ARFGEF3: variants seen among roughly 807,000 people sequenced by gnomAD.
ARFGEF3 encodes the protein ARFGEF family member 3.
Under a neutral mutation model 221.7 loss-of-function variants are expected in ARFGEF3, and 96 were observed. That is an observed-to-expected ratio of 0.43 (90% CI 0.37 to 0.51). The LOEUF (loss-of-function observed/expected upper bound fraction) is 0.51. Among genes scored for constraint, ARFGEF3 ranks in the 20% least tolerant of loss-of-function variants. ARFGEF3 has a pLI of 0.00. For missense variants in ARFGEF3, 2,410 were observed against 2,789.9 expected (o/e 0.86, Z 3.07); for synonymous variants, 1,145 against 1,126.8 (o/e 1.02, Z -0.32).
intron 2 of ARFGEF3, among the ~76,000 whole-genome samples, chr6:138,175,994 A>G (rs147648980): frequency 8.0e-4 from 122 of 152,260 alleles, no homozygotes; most frequent in Non-Finnish European, 1.0e-3. Flanking sequence ...ATCATTATAT[A>G]ATGACCTTCT....
At chr6:138,188,728 C>T (rs1777239501) in intron 2 of ARFGEF3, among the ~76,000 whole-genome samples, 1 of 152,230 alleles carries the variant, frequency 6.6e-6, no homozygotes, top group East Asian at 1.9e-4. Flanking sequence ...ACAGTCTTGT[C>T]TTCACATCAC....
At chr6:138,210,112 C>T (rs1777697882) in intron 4 of ARFGEF3, 71 bp downstream of exon 4, 1 of 1,488,964 alleles carries the variant, frequency 6.7e-7, no homozygotes, top group Non-Finnish European at 9.2e-7. Flanking sequence ...CACTTGTTAT[C>T]TGAAAATGCC....
chr6:138,204,710 T>C (rs6903101), intron 2 of ARFGEF3, among the ~76,000 whole-genome samples: 21,413 of 152,226 alleles, frequency 0.14, 3,724 homozygotes, highest in African/African-American at 0.41. Context: ...GGTCTTCAAA[T>C]GCCCTTTTTA....
chr6:138,199,795 G>T (rs760271250), intron 2 of ARFGEF3, among the ~76,000 whole-genome samples: 2 of 152,082 alleles, frequency 1.3e-5, no homozygotes, highest in African/African-American at 4.8e-5. Context: ...TAGGGTTTTC[G>T]AGGTAAACGA....
chr6:138,310,942 C>T (rs1057496035), intron 24 of ARFGEF3, among the ~76,000 whole-genome samples: 1 of 152,168 alleles, frequency 6.6e-6, no homozygotes, highest in African/African-American at 2.4e-5. Context: ...AATCCTTTTC[C>T]AAATGGAGAG....
rs1223372114 is a variant in ARFGEF3 at position 138,291,351 on chromosome 6, C to A, written c.3048-382C>A. Among the ~76,000 whole-genome samples the A allele has an allele frequency of 6.6e-6, 1 of 152,120 alleles. No individual in the cohort carries two copies. The highest frequency in any genetic ancestry group is 1.5e-5 in the Non-Finnish European group (1 of 68,022). On this transcript the variant is annotated intron_variant, in intron 18 of 33. Coordinates refer to ENST00000251691, the MANE Select transcript of ARFGEF3 (RefSeq NM_020340.5). This position sits in a 1 kb window ranked among gnomAD's most constrained non-coding sequence, Gnocchi z 4.5. ...AGGGAAACGCTTCCCAACTCCTAAT[C>A]AGAGCACTATATGGAGGGAAAGAGG... is the stretch of plus-strand genomic sequence containing the variant.
intron 2 of ARFGEF3, among the ~76,000 whole-genome samples, chr6:138,203,890 C>G (rs1331025612): frequency 1.3e-5 from 2 of 151,938 alleles, no homozygotes; most frequent in East Asian, 2.0e-4. Flanking sequence ...ATCCGCCCTC[C>G]TTGGACTCCC....
Position 138,262,704 on chromosome 6 carries a change from C to T in ARFGEF3, c.1221C>T (p.Ile407=). The change falls in exon 12 of 34, where the codon ATC becomes ATT. Residue 407 remains isoleucine, a synonymous_variant. Coordinates refer to ENST00000251691, the MANE Select transcript of ARFGEF3 (RefSeq NM_020340.5). ...TTCTCTTTTGAACACTGTTTAGCAT[C>T]ATGGATGGCATGACCGAAGCATGCA... is the stretch of plus-strand genomic sequence containing the variant. ...RKSHLDLLKL[I]MDGMTEACIK... is the part of the protein sequence containing the mutation. 6.3e-7 allele frequency: 1 copy of T among 1,599,520 alleles called. No individual in the cohort carries two copies. The highest frequency in any genetic ancestry group is 8.6e-7 in the Non-Finnish European group (1 of 1,168,906).
rs561188138 is a variant in ARFGEF3 at position 138,183,027 on chromosome 6, A to G, written c.137+12314A>G. On this transcript the variant is annotated intron_variant, in intron 2 of 33. Coordinates refer to ENST00000251691, the MANE Select transcript of ARFGEF3 (RefSeq NM_020340.5). ...CCTATTTTGTTTTTCTGTATTTACC[A>G]GCTGGGAGAAAAACCTTCAAAAACA... Among the ~76,000 whole-genome samples, 600 of 152,268 alleles carry G rather than the reference A, an allele frequency of 3.9e-3. 4 individuals are homozygous for G. The highest frequency in any genetic ancestry group is 5.1e-3 in the Non-Finnish European group (349 of 68,008).
intron 2 of ARFGEF3, among the ~76,000 whole-genome samples, chr6:138,171,139 T>G (rs1776821157): frequency 6.7e-6 from 1 of 150,274 alleles, no homozygotes; most frequent in Non-Finnish European, 1.5e-5. Flanking sequence ...CAACACTTAC[T>G]TTTGGTGGGG....
rs759803525 is a variant in ARFGEF3 at position 138,278,407 on chromosome 6, C to G, written c.2129-44C>G. On this transcript the variant is annotated intron_variant, in intron 12 of 33. Coordinates refer to ENST00000251691, the MANE Select transcript of ARFGEF3 (RefSeq NM_020340.5). ...CTCTCTGGAAGCCAGCCTTGCCAAGCACACTGTTCACACCCCCAAAAGTCC... is the reference window on the plus strand; with the variant it reads ...CTCTCTGGAAGCCAGCCTTGCCAAGGACACTGTTCACACCCCCAAAAGTCC... 5.0e-6 allele frequency: 8 copies of G among 1,587,652 alleles called. No individual in the cohort carries two copies. The East Asian group carries it at 1.8e-4, about 36-fold the overall frequency.
rs543952219 is a variant in ARFGEF3, at chr6:138,266,390, G to A, written c.2128+2779G>A. Reference sequence around the variant, plus strand: ...GAAAAGGGAAAGGAGAAGGGAAAGGGTCTCACTGTGTTGGAAAGAAGGAAA... The same window carrying A: ...GAAAAGGGAAAGGAGAAGGGAAAGGATCTCACTGTGTTGGAAAGAAGGAAA... On this transcript the variant is annotated intron_variant, in intron 12 of 33. Transcript: ENST00000251691. Among the ~76,000 whole-genome samples, 56 of 152,082 alleles carry A rather than the reference G, an allele frequency of 3.7e-4. 1 individual carries two copies. Among genetic ancestry groups the A allele is most frequent in the African/African-American group, 1.3e-3 (52 of 41,482 alleles).
chr6:138,172,122 A>C (rs1434263148), intron 2 of ARFGEF3, among the ~76,000 whole-genome samples: 2 of 152,220 alleles, frequency 1.3e-5, no homozygotes. Context: ...CATGTTTTAA[A>C]CTAAGTGCAT....
intron 12 of ARFGEF3, among the ~76,000 whole-genome samples, chr6:138,269,702 G>C (rs901597386): frequency 2.6e-5 from 4 of 152,114 alleles, no homozygotes; most frequent in African/African-American, 4.8e-5. Flanking sequence ...AGCTACTCGG[G>C]AGGCTGAGGC....
At chr6:138,244,163 T>C (rs1371045447) in intron 7 of ARFGEF3, among the ~76,000 whole-genome samples, 1 of 152,242 alleles carries the variant, frequency 6.6e-6, no homozygotes, top group African/African-American at 2.4e-5. Flanking sequence ...TATTAAACTA[T>C]GTTTTATCAT....
At chr6:138,171,588 G>GC (rs141802497) in intron 2 of ARFGEF3, among the ~76,000 whole-genome samples, 6,244 of 152,154 alleles carry the variant, frequency 0.041, 144 homozygotes, top group Middle Eastern at 0.092. Context: ...AGAAATGCCT[G>GC]CCTCTGTAGA....
chr6:138,172,192 C>T (rs558445240), intron 2 of ARFGEF3, among the ~76,000 whole-genome samples: 78 of 152,254 alleles, frequency 5.1e-4, no homozygotes, highest in African/African-American at 1.8e-3. Flanking sequence ...GTTTGTCTAG[C>T]GGAGAGGTGG....
Position 138,288,150 on chromosome 6 carries a change from G to A in ARFGEF3, c.2896+966G>A, listed in dbSNP as rs9373214. On this transcript the variant is annotated intron_variant, in intron 17 of 33. Transcript: ENST00000251691. The stretch of plus-strand genomic sequence containing the variant: ...TGTAATCCCAGTACTTTGAGAGGTC[G>A]AGGAAAGCGGATCACTTGAGCCCAG... Among the ~76,000 whole-genome samples the A allele has an allele frequency of 2.5e-4, 38 of 152,248 alleles. No homozygotes were observed. In the East Asian group the frequency reaches 3.9e-3, roughly 15 times the overall value.
intron 20 of ARFGEF3, among the ~76,000 whole-genome samples, chr6:138,296,229 G>T (rs1779518141): frequency 6.6e-6 from 1 of 152,182 alleles, no homozygotes; most frequent in African/African-American, 2.4e-5. Flanking sequence ...GACCAGGCCT[G>T]CTTGGCAAAG....
Sources: allele counts gnomAD v4.1 joint callset (sites outside exome capture counted in the v4.1 genomes callset), GRCh38; gene constraint gnomAD v4.1.1; non-coding constraint Gnocchi (gnomAD v3.1); transcripts MANE v1.5; gene names NCBI Gene and HGNC (gene_info 2026-07-23, HGNC 2026-07-21).